Variants in XRN2 observed in about 807,000 individuals in gnomAD.
The protein encoded by XRN2 is 5'-3' exoribonuclease 2.
XRN2 carries 44 observed loss-of-function variants against 138.5 expected under a neutral mutation model. The ratio of observed to expected loss-of-function variants is 0.32; its 90% CI spans 0.25 to 0.41. XRN2 has a LOEUF of 0.41. Among genes scored for constraint, XRN2 ranks in the 10% least tolerant of loss-of-function variants. The pLI, the probability that XRN2 is intolerant of heterozygous loss-of-function variation, is 1.00. For missense variants in XRN2, 937 were observed against 1,169.3 expected, an observed-to-expected ratio of 0.80 and a Z score of 2.90; for synonymous variants, 354 against 369.4, an observed-to-expected ratio of 0.96 and a Z score of 0.48.
chr20:21,365,882 T>C (rs6113212), intron 26 of XRN2, among the ~76,000 whole-genome samples, 178 bp downstream of exon 26: 1 of 125,162 alleles, frequency 8.0e-6, no homozygotes, highest in Non-Finnish European at 1.6e-5. Flanking sequence ...TATATAATAT[T>C]ATATAATATA....
chr20:21,325,192 G>A (rs765707250), intron 1 of XRN2, among the ~76,000 whole-genome samples: 7 of 152,188 alleles, frequency 4.6e-5, no homozygotes, highest in Non-Finnish European at 1.0e-4. Flanking sequence ...GCTGTTACAA[G>A]TGATGCTTTA....
intron 14 of XRN2, among the ~76,000 whole-genome samples, chr20:21,339,435 A>G (rs113511953): frequency 3.9e-5 from 6 of 152,164 alleles, no homozygotes; most frequent in African/African-American, 1.4e-4. Context: ...TGTCAGATTA[A>G]TCTTTCTAGA....
At chr20:21,356,236 C>T in intron 22 of XRN2, 59 bp downstream of exon 22, 1 of 1,335,392 alleles carries the variant, frequency 7.5e-7, no homozygotes, top group Non-Finnish European at 1.1e-6. Flanking sequence ...GTAAAATATG[C>T]ATAACATAAA....
chr20:21,312,351 C>T (rs2037892907), intron 1 of XRN2, among the ~76,000 whole-genome samples: 1 of 152,114 alleles, frequency 6.6e-6, no homozygotes, highest in African/African-American at 2.4e-5. Context: ...GTCTCTATCT[C>T]CTGACTTCCT....
intron 1 of XRN2, among the ~76,000 whole-genome samples, chr20:21,321,288 C>A (rs2038039321): frequency 7.2e-6 from 1 of 138,196 alleles, no homozygotes; most frequent in Non-Finnish European, 1.5e-5. Context: ...TAGTTATGAG[C>A]CACTGTGCCT....
intron 1 of XRN2, among the ~76,000 whole-genome samples, chr20:21,311,027 A>G (rs2037873871): frequency 6.6e-6 from 1 of 152,030 alleles, no homozygotes; most frequent in Non-Finnish European, 1.5e-5. Flanking sequence ...CTGGGATTAC[A>G]GGCGTGAGCC....
In XRN2 at chr20:21,332,330, A is replaced by G. The variant is rs748708817; in HGVS notation, c.748A>G (p.Ile250Val). ...TGCCACACATGAACCGAACTTTACCATTATTAGAGAAGAATTCAAACCAAA... is the reference window on the plus strand; with the variant it reads ...TGCCACACATGAACCGAACTTTACCGTTATTAGAGAAGAATTCAAACCAAA... ...GLATHEPNFTIIREEFKPNKP... is the reference protein window; with the variant it reads ...GLATHEPNFTVIREEFKPNKP... Residue 250 changes from isoleucine (I) to valine (V), a missense_variant, in exon 9 of 30, where the codon ATT becomes GTT. By Grantham distance (29) the Ile-to-Val change is conservative. Coordinates refer to ENST00000377191, the MANE Select transcript of XRN2 (RefSeq NM_012255.5). 11 of 1,613,922 alleles carry G rather than the reference A, an allele frequency of 6.8e-6. No individual in the cohort carries two copies. The highest frequency in any genetic ancestry group is 9.3e-6 in the Non-Finnish European group (11 of 1,179,866).
chr20:21,343,861 A>C (rs892702846), intron 15 of XRN2, among the ~76,000 whole-genome samples: 1 of 151,660 alleles, frequency 6.6e-6, no homozygotes, highest in Non-Finnish European at 1.5e-5. Context: ...TAATAATGTT[A>C]ATTGTTTTTA....
intron 21 of XRN2, 111 bp downstream of exon 21, chr20:21,354,983 A>G (rs2038558979): frequency 2.6e-6 from 2 of 781,794 alleles, no homozygotes; most frequent in Admixed American, 3.3e-5. Flanking sequence ...TAAAGGGGAT[A>G]TAAATCATTG....
chr20:21,348,414 A>C lies in XRN2; in HGVS notation c.1847A>C (p.Lys616Thr). 1 of 1,614,054 alleles carries C rather than the reference A, an allele frequency of 6.2e-7. No individual in the cohort carries two copies. The highest frequency in any genetic ancestry group is 2.2e-5 in the East Asian group (1 of 44,864). The change falls in exon 19 of 30, where the codon AAG (lysine) becomes ACG (threonine). Residue 616 changes from lysine (K) to threonine (T), a missense_variant. Around this residue, in one of 6 missense-constraint regions of XRN2, gnomAD observed 372 missense variants for 414.4 expected, o/e 0.90. Coordinates refer to ENST00000377191, the MANE Select transcript of XRN2 (RefSeq NM_012255.5). Reference protein sequence around the residue: ...SGNFLPPSWRKLMSDPDSSII... With the variant: ...SGNFLPPSWRTLMSDPDSSII... ...AATTTTCTACCTCCATCATGGCGGA[A>C]GCTCATGAGTGATCCTGTGAGTCTC...
At chr20:21,388,199 A>G (rs533801369) in intron 29 of XRN2, among the ~76,000 whole-genome samples, 1 of 152,312 alleles carries the variant, frequency 6.6e-6, no homozygotes, top group African/African-American at 2.4e-5. Context: ...TGAAAACCCC[A>G]CACGGTTCAG....
chr20:21,360,735 T>C (rs1371210452), intron 24 of XRN2, among the ~76,000 whole-genome samples: 1 of 152,244 alleles, frequency 6.6e-6, no homozygotes, highest in Non-Finnish European at 1.5e-5. Context: ...GCAAGGCTTA[T>C]GCTTGGCAAG....
At chr20:21,346,610 T>A (rs1413567183) in intron 17 of XRN2, 60 bp downstream of exon 17, 1 of 1,572,564 alleles carries the variant, frequency 6.4e-7, no homozygotes, top group Non-Finnish European at 8.6e-7. Context: ...AATAGTAATT[T>A]CTTTTTTTTT....
In XRN2 at chr20:21,355,325, G is replaced by A. The variant is rs568199418; in HGVS notation, c.2020+453G>A. ...TAACTTGAAATATGACATAAAAGGA[G>A]GCAATTTGTAATCAATACTGACAGT... On this transcript the variant is annotated intron_variant, in intron 21 of 29. Transcript: ENST00000377191. Among the ~76,000 whole-genome samples, 6 of 152,216 alleles carry A rather than the reference G, an allele frequency of 3.9e-5. No homozygotes were observed. The South Asian group carries it at 1.0e-3, about 26-fold the overall frequency.
At chr20:21,325,828 T>A (rs1201080226) in intron 1 of XRN2, among the ~76,000 whole-genome samples, 1 of 152,004 alleles carries the variant, frequency 6.6e-6, no homozygotes, top group African/African-American at 2.4e-5. Context: ...GACCAGAGAG[T>A]CTAGAGGTGG....
intron 24 of XRN2, among the ~76,000 whole-genome samples, chr20:21,360,829 G>A (rs963821102): frequency 2.6e-5 from 4 of 152,112 alleles, no homozygotes; most frequent in Admixed American, 2.6e-4. Flanking sequence ...AGTTGGGAGG[G>A]TTTCACTTTC....
intron 1 of XRN2, among the ~76,000 whole-genome samples, chr20:21,308,960 A>G (rs1351344583): frequency 6.6e-6 from 1 of 152,118 alleles, no homozygotes; most frequent in African/African-American, 2.4e-5. Context: ...TTTTTGGTCT[A>G]GTCATATGGT....
rs869071652 is a variant in XRN2, at chr20:21,353,223, G to GATAT, written c.1937-1527_1937-1524dup. ...AAATATAAATAAATGTAGTGGGTAG[G>GATAT]ATATATATATATATATATATATATA... On this transcript the variant is annotated intron_variant, in intron 20 of 29. Transcript: ENST00000377191. Among the ~76,000 whole-genome samples, 551 of 113,410 alleles carry GATAT rather than the reference G, an allele frequency of 4.9e-3. 2 individuals are homozygous for GATAT. Among genetic ancestry groups the GATAT allele is most frequent in the African/African-American group, 0.017 (448 of 27,116 alleles). 74.4% of individuals were successfully genotyped at this position (113,410 alleles called of 152,430 possible).
chr20:21,326,635 G>GTT (rs200920750), intron 3 of XRN2, 34 bp downstream of exon 3: 75 of 1,508,208 alleles, frequency 5.0e-5, no homozygotes, highest in South Asian at 4.9e-5. Context: ...CCTCCATTTT[G>GTT]TTTTTTTTTG....
Sources: allele counts gnomAD v4.1 joint callset (sites outside exome capture counted in the v4.1 genomes callset), GRCh38; gene constraint gnomAD v4.1.1; regional missense constraint gnomAD v4.1.1; transcripts MANE v1.5; gene names NCBI Gene and HGNC (gene_info 2026-07-23, HGNC 2026-07-21).